PDE7B: variants seen among roughly 807,000 people sequenced by gnomAD.
PDE7B encodes phosphodiesterase 7B.
PDE7B carries 29 observed loss-of-function variants against 56.2 expected under a neutral mutation model. The ratio of observed to expected loss-of-function variants is 0.52; its 90% confidence interval spans 0.38 to 0.70. The LOEUF is 0.70. PDE7B is among the 30% of genes least tolerant of loss of function. PDE7B has a pLI of 0.00. For missense variants in PDE7B, 490 were observed against 565.0 expected (o/e 0.87, Z 1.35); for synonymous variants, 197 against 196.9 (o/e 1.00, Z 0.00).
chr6:136,054,536 G>A (rs907055643), intron 2 of PDE7B, among the ~76,000 whole-genome samples: 11 of 152,146 alleles, frequency 7.2e-5, no homozygotes, highest in Non-Finnish European at 8.8e-5. Context: ...TTGGCAATGC[G>A]AGCCCTTTTT....
chr6:135,979,318 G>A (rs1372836367), intron 2 of PDE7B, among the ~76,000 whole-genome samples: 1 of 151,854 alleles, frequency 6.6e-6, no homozygotes, highest in African/African-American at 2.4e-5. Context: ...TGTTCATCAA[G>A]GATATTGGTC....
chr6:135,906,825 T>TTTTTTTGTTTTTTTTTTTTG (rs1776120557), intron 1 of PDE7B, among the ~76,000 whole-genome samples: 2 of 145,782 alleles, frequency 1.4e-5, no homozygotes, highest in Admixed American at 6.8e-5. Flanking sequence ...TTTTTTTTTT[T>TTTTTTTGTTTTTTTTTTTTG]TTTTTTTTTT....
chr6:135,908,751 T>G (rs1583760101), intron 1 of PDE7B, among the ~76,000 whole-genome samples: 1 of 152,178 alleles, frequency 6.6e-6, no homozygotes, highest in African/African-American at 2.4e-5. Context: ...TTGCAAAAAG[T>G]TCAGGCAACA....
At chr6:135,877,706 C>A (rs1394696734) in intron 1 of PDE7B, among the ~76,000 whole-genome samples, 1 of 149,078 alleles carries the variant, frequency 6.7e-6, no homozygotes. Flanking sequence ...AAGGGCATTC[C>A]ATATTCTTTG....
At chr6:136,062,691 C>T (rs1397144829) in intron 2 of PDE7B, among the ~76,000 whole-genome samples, 1 of 152,178 alleles carries the variant, frequency 6.6e-6, no homozygotes, top group Non-Finnish European at 1.5e-5. Flanking sequence ...CTCTAGGGTC[C>T]TGAAAGATCC....
At position 136,122,249 on chromosome 6, in the gene PDE7B, C is replaced by T. The variant is rs1042062651; in HGVS notation, c.166+13435C>T. On this transcript the variant is annotated intron_variant, in intron 3 of 12. Coordinates refer to ENST00000308191, the MANE Select transcript of PDE7B (RefSeq NM_018945.4). ...TGACCCCATGATCCGCCTGTCTCGG[C>T]CTCCCAAAGTGCTGGGATTACAGGC... 3.3e-5 allele frequency among the ~76,000 whole-genome samples: 5 copies of T among 152,196 alleles called. No individual in the cohort carries two copies. The East Asian group carries it at 9.6e-4, about 29-fold the overall frequency.
chr6:136,031,494 C>T (rs1012333415), intron 2 of PDE7B, among the ~76,000 whole-genome samples: 2 of 152,114 alleles, frequency 1.3e-5, no homozygotes, highest in Admixed American at 1.3e-4. Flanking sequence ...AATCCCAGCA[C>T]TTTGGGAGGC....
At chr6:135,878,552 CATT>C (rs1467766197) in intron 1 of PDE7B, among the ~76,000 whole-genome samples, 1 of 152,100 alleles carries the variant, frequency 6.6e-6, no homozygotes, top group Non-Finnish European at 1.5e-5. Flanking sequence ...ATGCAATAAA[CATT>C]ATTTTACCTA....
chr6:136,089,366 A>G lies in PDE7B; in HGVS notation c.83-19365A>G, dbSNP rs926381940. On this transcript the variant is annotated intron_variant, in intron 2 of 12. Coordinates refer to ENST00000308191, the MANE Select transcript of PDE7B (RefSeq NM_018945.4). ...CTATTTGAATTTATTTCAAGCAGTC[A>G]ATAAATAAATGGTTCCATGCTATTA... Among the ~76,000 whole-genome samples the G allele has an allele frequency of 2.6e-5, 4 of 152,222 alleles. No individual in the cohort carries two copies. In the East Asian group the frequency reaches 7.7e-4, roughly 29 times the overall value.
At chr6:135,911,684 A>G (rs573374296) in intron 1 of PDE7B, among the ~76,000 whole-genome samples, 1 of 152,200 alleles carries the variant, frequency 6.6e-6, no homozygotes, top group Non-Finnish European at 1.5e-5. Flanking sequence ...CTGTGAACCT[A>G]TGCAGAAAAC....
chr6:136,104,037 A>T (rs1476831210), intron 2 of PDE7B, among the ~76,000 whole-genome samples: 1 of 152,206 alleles, frequency 6.6e-6, no homozygotes, highest in African/African-American at 2.4e-5. Context: ...CAAGAGGTCC[A>T]TTCCGGAGCC....
In PDE7B at chr6:135,963,664, TA is replaced by T; in HGVS notation, c.82+16141del. ...CCATCAACATGTATTACTTTCATAA[TA>T]GAAAAAATAAACATGAGAAAGAAAT... is the stretch of plus-strand genomic sequence containing the variant. On this transcript the variant is annotated intron_variant, in intron 2 of 12. Transcript: ENST00000308191. 1.3e-5 allele frequency among the ~76,000 whole-genome samples: 2 copies of T among 151,952 alleles called. 1 individual carries two copies.
At chr6:136,037,052 T>C (rs1046047044) in intron 2 of PDE7B, among the ~76,000 whole-genome samples, 1 of 152,204 alleles carries the variant, frequency 6.6e-6, no homozygotes, top group Non-Finnish European at 1.5e-5. Flanking sequence ...GGCCCACAGT[T>C]GATGTTGCCC....
chr6:135,876,790 C>T (rs758197064), intron 1 of PDE7B, among the ~76,000 whole-genome samples: 5 of 151,768 alleles, frequency 3.3e-5, no homozygotes, highest in Non-Finnish European at 7.4e-5. Context: ...ACCTGGGAGG[C>T]GGAGGTTGCA....
intron 2 of PDE7B, among the ~76,000 whole-genome samples, chr6:136,054,681 C>T (rs1055617460): frequency 3.3e-5 from 5 of 152,096 alleles, no homozygotes; most frequent in Non-Finnish European, 7.4e-5. Context: ...TTCTTCCTAC[C>T]CATGAGCATG....
intron 1 of PDE7B, among the ~76,000 whole-genome samples, chr6:135,911,486 TA>T (rs1776211571): frequency 6.6e-6 from 1 of 152,248 alleles, no homozygotes; most frequent in African/African-American, 2.4e-5. Context: ...CAACGTGATA[TA>T]AACAATTTAC....
At chr6:136,101,630 G>C (rs889704088) in intron 2 of PDE7B, among the ~76,000 whole-genome samples, 2 of 152,012 alleles carry the variant, frequency 1.3e-5, no homozygotes, top group Admixed American at 6.5e-5. Flanking sequence ...GTAATGTTTT[G>C]CATAAGCATT....
chr6:135,921,132 C>T (rs1774071416), intron 1 of PDE7B, among the ~76,000 whole-genome samples: 1 of 152,112 alleles, frequency 6.6e-6, no homozygotes, highest in Non-Finnish European at 1.5e-5. Flanking sequence ...TGCCACACTT[C>T]TTTGAGTATA....
chr6:135,983,216 G>A (rs553109926), intron 2 of PDE7B, among the ~76,000 whole-genome samples: 14 of 152,258 alleles, frequency 9.2e-5, no homozygotes, highest in Admixed American at 2.0e-4. Flanking sequence ...AGAAACCGTG[G>A]ATACTGGTTG....
Sources: allele counts gnomAD v4.1 joint callset (sites outside exome capture counted in the v4.1 genomes callset), GRCh38; gene constraint gnomAD v4.1.1; transcripts MANE v1.5; gene names NCBI Gene and HGNC (gene_info 2026-07-23, HGNC 2026-07-21).